Variants in ZNF507 observed in about 807,000 individuals in gnomAD.
ZNF507 encodes zinc finger protein 507.
A neutral mutation model predicts 80.0 loss-of-function variants in ZNF507; 29 were observed. The observed-to-expected ratio is 0.36, with a 90% CI of 0.27 to 0.49. The LOEUF (loss-of-function observed/expected upper bound fraction) is 0.49. Among genes scored for constraint, ZNF507 ranks in the 20% least tolerant of loss-of-function variants. The pLI, the probability that ZNF507 is intolerant of heterozygous loss-of-function variation, is 0.98. For synonymous variants in ZNF507, 462 were observed against 422.5 expected, an observed-to-expected ratio of 1.09 and a Z score of -1.15; for missense variants, 1,081 against 1,152.2, an observed-to-expected ratio of 0.94 and a Z score of 0.90.
At chr19:32,365,528 ACCT>A (rs1967387007) in intron 5 of ZNF507, among the ~76,000 whole-genome samples, 2 of 152,110 alleles carry the variant, frequency 1.3e-5, no homozygotes, top group Non-Finnish European at 2.9e-5. Context: ...GAGAGATTAT[ACCT>A]GACATTTATA....
chr19:32,380,709 A>C, intron 5 of ZNF507: 1 of 1,280,032 alleles, frequency 7.8e-7, no homozygotes, highest in Non-Finnish European at 1.1e-6. Flanking sequence ...TCCTAAAAAG[A>C]TGACAGTTTT....
intron 5 of ZNF507, among the ~76,000 whole-genome samples, chr19:32,374,591 C>G (rs976419435): frequency 6.6e-6 from 1 of 151,566 alleles, no homozygotes; most frequent in African/African-American, 2.4e-5. Context: ...AAGAGATTCT[C>G]GTGCCTCAGC....
chr19:32,349,152 T>C (rs1343168272), intron 2 of ZNF507, among the ~76,000 whole-genome samples: 1 of 152,122 alleles, frequency 6.6e-6, no homozygotes, highest in African/African-American at 2.4e-5. Context: ...ACACAGCCAA[T>C]CCAAGGTGAC....
intron 2 of ZNF507, among the ~76,000 whole-genome samples, chr19:32,348,864 A>G (rs1256478133): frequency 6.6e-6 from 1 of 152,198 alleles, no homozygotes; most frequent in Non-Finnish European, 1.5e-5. Context: ...TTCTAAAAAT[A>G]TAGTCATGTC....
At chr19:32,355,357 G>A (rs1046491167) in intron 3 of ZNF507, among the ~76,000 whole-genome samples, 2 of 152,036 alleles carry the variant, frequency 1.3e-5, no homozygotes, top group African/African-American at 4.8e-5. Context: ...ATCTTATATG[G>A]CCCCAGAATG....
At chr19:32,361,321 G>T (rs1037016164) in intron 5 of ZNF507, among the ~76,000 whole-genome samples, 2 of 152,066 alleles carry the variant, frequency 1.3e-5, no homozygotes, top group Non-Finnish European at 2.9e-5. Flanking sequence ...TAGGCAATGC[G>T]CATGAACTTT....
At chr19:32,360,208 C>G (rs745310724) in intron 4 of ZNF507, among the ~76,000 whole-genome samples, 5 of 152,218 alleles carry the variant, frequency 3.3e-5, no homozygotes, top group Non-Finnish European at 5.9e-5. Context: ...ATTAATTTAG[C>G]TCCTACATAG....
rs1967667722 is a variant in ZNF507 at position 32,384,809 on chromosome 19, T to C, written c.*1726T>C. 6.6e-6 allele frequency: 1 copy of C among 152,342 alleles called. No individual in the cohort carries two copies. The highest frequency in any genetic ancestry group is 2.1e-4 in the South Asian group (1 of 4,830). The allele number at this position is 152,342 out of a possible 1,614,324, so 9.4% of individuals were successfully genotyped here. A position where few individuals can be genotyped will look rare whatever the true frequency, so the allele number is the denominator to read the frequency against. On this transcript the variant is annotated 3_prime_UTR_variant, in exon 7 of 7. Coordinates refer to ENST00000355898, the MANE Select transcript of ZNF507 (RefSeq NM_001136156.2). ...TATTTAGGTAGCTTTAATTTATTTATGAAAGTTAATCCATTTCTGATACGT... is the reference window on the plus strand; with the variant it reads ...TATTTAGGTAGCTTTAATTTATTTACGAAAGTTAATCCATTTCTGATACGT...
chr19:32,353,504 C>T lies in ZNF507; in HGVS notation c.674C>T (p.Thr225Ile), dbSNP rs1252442469. ...AGTGTGGACAATCTACAGACTCATA[C>T]TGTCCAAACTGCATCTGTGGCAGAA... is the stretch of plus-strand genomic sequence containing the variant. Reference protein sequence around the residue: ...PVSVDNLQTHTVQTASVAEMG... With the variant: ...PVSVDNLQTHIVQTASVAEMG... The change falls in exon 3 of 7, where the codon ACT (threonine) becomes ATT (isoleucine). Residue 225 changes from threonine to isoleucine, a missense_variant. Thr to Ile is a moderately conservative substitution (Grantham distance 89). Coordinates refer to ENST00000355898, the MANE Select transcript of ZNF507 (RefSeq NM_001136156.2). 1.9e-6 allele frequency: 3 copies of T among 1,614,228 alleles called. No homozygotes were observed. The highest frequency in any genetic ancestry group is 2.2e-5 in the East Asian group (1 of 44,894).
chr19:32,377,642 T>C (rs1247269130), intron 5 of ZNF507, among the ~76,000 whole-genome samples: 1 of 152,172 alleles, frequency 6.6e-6, no homozygotes, highest in Non-Finnish European at 1.5e-5. Flanking sequence ...TAACCACGTG[T>C]CCATACTGAT....
At position 32,354,447 on chromosome 19, in the gene ZNF507, G is replaced by A. The variant is rs200653666; in HGVS notation, c.1617G>A (p.Ala539=). 1.0e-4 allele frequency: 162 copies of A among 1,614,066 alleles called. 1 individual carries two copies. Among genetic ancestry groups the A allele is most frequent in the South Asian group, 1.3e-4 (12 of 91,082 alleles). Residue 539 remains alanine (A), a synonymous_variant, in exon 3 of 7, where the codon GCG becomes GCA. Coordinates refer to ENST00000355898, the MANE Select transcript of ZNF507 (RefSeq NM_001136156.2). ...GGCAAGTAGATAGTACATTGGCAGC[G>A]TACTCAAAAATGATGTCGCCACTTA... ...SQRQVDSTLA[A]YSKMMSPLKN... is the part of the protein sequence containing the mutation.
intron 5 of ZNF507, among the ~76,000 whole-genome samples, chr19:32,367,295 C>A (rs1047636937): frequency 1.3e-5 from 2 of 152,182 alleles, no homozygotes; most frequent in Non-Finnish European, 2.9e-5. Flanking sequence ...ATGACCCAGT[C>A]GCCTCTGCCC....
chr19:32,383,400 C>A lies in ZNF507; in HGVS notation c.*317C>A. On this transcript the variant is annotated 3_prime_UTR_variant, in exon 7 of 7. Transcript: ENST00000355898. ...AAAAGCTTATTAGAGTGTAGAAATG[C>A]CAGCAAGAGTTAAGAAAGGGCTTTT... is the stretch of plus-strand genomic sequence containing the variant. 4.3e-6 allele frequency: 1 copy of A among 232,932 alleles called. No homozygotes were observed. Among genetic ancestry groups the A allele is most frequent in the Non-Finnish European group, 8.5e-6 (1 of 117,042 alleles). 14.4% of individuals were successfully genotyped at this position (232,932 alleles called of 1,614,324 possible).
chr19:32,351,191 T>C (rs546235170), intron 2 of ZNF507, among the ~76,000 whole-genome samples: 144 of 152,188 alleles, frequency 9.5e-4, no homozygotes, highest in African/African-American at 3.4e-3. Context: ...TGAGGGCAGT[T>C]AGAGACAGCT....
rs548022031 is a variant in ZNF507, at chr19:32,367,978, A to G, written c.2360+7360A>G. 3.3e-5 allele frequency among the ~76,000 whole-genome samples: 5 copies of G among 152,274 alleles called. No homozygotes were observed. In the East Asian group the frequency reaches 9.6e-4, roughly 29 times the overall value. ...CCTCACAGCAGCCCAGTACTTAGGA[A>G]TATTACTACCCCAATTTTGTAGACA... On this transcript the variant is annotated intron_variant, in intron 5 of 6. Coordinates refer to ENST00000355898, the MANE Select transcript of ZNF507 (RefSeq NM_001136156.2).
chr19:32,379,550 T>G (rs1309078938), intron 5 of ZNF507, among the ~76,000 whole-genome samples: 1 of 152,222 alleles, frequency 6.6e-6, no homozygotes, highest in Non-Finnish European at 1.5e-5. Flanking sequence ...AGGTAACCCA[T>G]TGTCTTGACA....
chr19:32,349,573 A>G (rs1967136529), intron 2 of ZNF507, among the ~76,000 whole-genome samples: 2 of 152,214 alleles, frequency 1.3e-5, no homozygotes, highest in Admixed American at 1.3e-4. Context: ...TTTAAACTGC[A>G]AGTATTAAGA....
rs775247602 is a variant in ZNF507 at position 32,354,754 on chromosome 19, C to T, written c.1924C>T (p.Arg642Cys). Residue 642 changes from arginine to cysteine, a missense_variant, in exon 3 of 7, where the codon CGT becomes TGT. Transcript: ENST00000355898. ...EYIPNAERPY[R>C]CRLCHYTSGN... ...CATCCCGAATGCTGAACGACCCTAC[C>T]GTTGCCGCCTGTGTCACTACACAAG... 31 of 1,614,010 alleles carry T rather than the reference C, an allele frequency of 1.9e-5. No homozygotes were observed. Among genetic ancestry groups the T allele is most frequent in the Admixed American group, 1.8e-4 (11 of 60,006 alleles).
At chr19:32,349,839 C>G (rs372591228) in intron 2 of ZNF507, among the ~76,000 whole-genome samples, 4 of 152,132 alleles carry the variant, frequency 2.6e-5, no homozygotes, top group African/African-American at 7.2e-5. Flanking sequence ...TTCCTAGGTA[C>G]TCATCATGCA....
Sources: gnomAD v4.1 joint callset for allele counts (sites outside exome capture counted in the v4.1 genomes callset) on GRCh38, gnomAD v4.1.1 for gene constraint, MANE v1.5 for transcripts, NCBI Gene and HGNC (gene_info 2026-07-23, HGNC 2026-07-21) for gene names.